ORC4: variants seen among roughly 807,000 people sequenced by gnomAD.
The protein encoded by ORC4 is origin recognition complex subunit 4.
ORC4 carries 55 observed loss-of-function variants against 63.9 expected under a neutral mutation model. That is an observed-to-expected ratio of 0.86 (90% CI 0.69 to 1.08). The LOEUF is 1.08. ORC4 is among the 50% of genes least tolerant of loss of function. ORC4 has a pLI of 0.00. For missense variants in ORC4, 511 were observed against 504.4 expected (o/e 1.01, Z -0.13); for synonymous variants, 150 against 168.5 (o/e 0.89, Z 0.85).
chr2:148,015,123 AAAG>A (rs1448141336), intron 1 of ORC4, among the ~76,000 whole-genome samples: 1 of 151,912 alleles, frequency 6.6e-6, no homozygotes, highest in African/African-American at 2.4e-5. Flanking sequence ...GAAAAAAAAA[AAAG>A]AAGAAAAGAA....
rs563017187 is a variant in ORC4 at position 147,959,242 on chromosome 2, T to C, written c.226-376A>G. Among the ~76,000 whole-genome samples the C allele has an allele frequency of 8.5e-4, 129 of 152,176 alleles. 1 individual carries two copies. Among genetic ancestry groups the C allele is most frequent in the Admixed American group, 1.5e-3 (23 of 15,280 alleles). On this transcript the variant is annotated intron_variant, in intron 4 of 13. Coordinates refer to ENST00000392857, the MANE Select transcript of ORC4 (RefSeq NM_181741.4). ...CTGACAATTACTCTACTAAATATCA[T>C]TGTAATCAGTTAAAAGCCCATTGAA...
intron 3 of ORC4, 131 bp downstream of exon 3, chr2:147,973,317 A>G: frequency 1.4e-6 from 1 of 691,222 alleles, no homozygotes; most frequent in East Asian, 2.7e-5. Flanking sequence ...CTATTCACAA[A>G]GCAAAATTTT....
chr2:147,989,120 C>CTAT (rs1490609053), intron 1 of ORC4, among the ~76,000 whole-genome samples: 1 of 152,134 alleles, frequency 6.6e-6, no homozygotes, highest in Non-Finnish European at 1.5e-5. Flanking sequence ...AACCAAGGAG[C>CTAT]ATAAATTCAA....
upstream of ORC4, chr2:148,021,499 C>A: frequency 1.8e-6 from 1 of 566,536 alleles, no homozygotes. Flanking sequence ...GCTGCTGCTA[C>A]TGCTGCTGCT....
chr2:148,005,868 C>T (rs921268104), intron 1 of ORC4, among the ~76,000 whole-genome samples: 3 of 151,954 alleles, frequency 2.0e-5, no homozygotes, highest in South Asian at 2.1e-4. Context: ...GCCAGCTACT[C>T]GGGAGGCTGA....
At position 147,975,979 on chromosome 2, in the gene ORC4, T is replaced by A. The variant is rs1553456562; in HGVS notation, c.-17-4A>T. The A allele has an allele frequency of 1.6e-5, 23 of 1,405,474 alleles. No individual in the cohort carries two copies. Among genetic ancestry groups the A allele is most frequent in the Non-Finnish European group, 2.2e-5 (22 of 991,246 alleles). The allele number at this position is 1,405,474 out of a possible 1,614,324, so 87.1% of individuals were successfully genotyped here. A position where few individuals can be genotyped will look rare whatever the true frequency, so the allele number is the denominator to read the frequency against. On this transcript the variant is annotated splice_polypyrimidine_tract_variant and splice_region_variant and intron_variant, in intron 1 of 13. Coordinates refer to ENST00000392857, the MANE Select transcript of ORC4 (RefSeq NM_181741.4). The stretch of plus-strand genomic sequence containing the variant: ...CTCATTTCAACAAATTCAAATCCTT[T>A]AAAAAAATTGGCATAAATATTATAA...
At chr2:147,989,225 A>G (rs1691419351) in intron 1 of ORC4, among the ~76,000 whole-genome samples, 1 of 152,156 alleles carries the variant, frequency 6.6e-6, no homozygotes, top group Admixed American at 6.5e-5. Context: ...TTCACCAAGA[A>G]TCTACATTAA....
rs17225444 is a variant in ORC4, at chr2:147,966,696, G to A, written c.225+6043C>T. On this transcript the variant is annotated intron_variant, in intron 4 of 13. Coordinates refer to ENST00000392857, the MANE Select transcript of ORC4 (RefSeq NM_181741.4). ...GGAGAGACCAATAACAAATAATGAGGTAGAATCAGGAATAAAAAGTCTTCC... is the reference window on the plus strand; with the variant it reads ...GGAGAGACCAATAACAAATAATGAGATAGAATCAGGAATAAAAAGTCTTCC... 1.4e-4 allele frequency among the ~76,000 whole-genome samples: 22 copies of A among 152,098 alleles called. No individual in the cohort carries two copies. In the East Asian group the frequency reaches 3.9e-3, roughly 27 times the overall value.
At chr2:148,002,057 T>A (rs561118569) in intron 1 of ORC4, among the ~76,000 whole-genome samples, 13 of 152,292 alleles carry the variant, frequency 8.5e-5, no homozygotes, top group Non-Finnish European at 1.6e-4. Flanking sequence ...AAAGAAGTGC[T>A]AACTATCCTA....
intron 2 of ORC4, among the ~76,000 whole-genome samples, chr2:147,974,322 G>A (rs1690397624): frequency 6.6e-6 from 1 of 152,044 alleles, no homozygotes; most frequent in South Asian, 2.1e-4. Context: ...AACATCTTAT[G>A]GCAGGCCTGT....
chr2:148,005,263 G>A (rs1000226896), intron 1 of ORC4, among the ~76,000 whole-genome samples: 3 of 152,086 alleles, frequency 2.0e-5, no homozygotes, highest in African/African-American at 4.8e-5. Context: ...GCAGGGACAC[G>A]GATGAAGCTG....
chr2:147,941,772 GTA>G (rs555279244), intron 10 of ORC4, among the ~76,000 whole-genome samples: 2 of 151,204 alleles, frequency 1.3e-5, no homozygotes, highest in Non-Finnish European at 3.0e-5. Flanking sequence ...AGATGTGTGT[GTA>G]TATATATATA....
rs765823779 is a variant in ORC4, at chr2:147,958,305, T to G, written c.380A>C (p.Lys127Thr). The change falls in exon 6 of 14, where the codon AAA (lysine) becomes ACA (threonine). Residue 127 changes from lysine to threonine, a missense_variant. Transcript: ENST00000392857. ...QLNLENVVGD[K>T]VFGSFAENLS... ...AACTGAAATGATACTTACAAAAACT[T>G]TATCTCCAACTACATTTTCCAGATT... 2 of 1,603,536 alleles carry G rather than the reference T, an allele frequency of 1.2e-6. No individual in the cohort carries two copies. The highest frequency in any genetic ancestry group is 1.7e-5 in the Admixed American group (1 of 59,934).
intron 1 of ORC4, among the ~76,000 whole-genome samples, chr2:147,976,820 T>C (rs1214808252): frequency 6.6e-6 from 1 of 152,158 alleles, no homozygotes. Context: ...TTTTATATTC[T>C]AAGCATTGTA....
chr2:147,960,580 A>T (rs1250991078), intron 4 of ORC4, among the ~76,000 whole-genome samples: 1 of 151,996 alleles, frequency 6.6e-6, no homozygotes, highest in Non-Finnish European at 1.5e-5. Flanking sequence ...TAATTTTCTT[A>T]GACCTCCCAA....
At chr2:147,957,406 A>G (rs1689325616) in intron 6 of ORC4, among the ~76,000 whole-genome samples, 1 of 151,952 alleles carries the variant, frequency 6.6e-6, no homozygotes, top group South Asian at 2.1e-4. Flanking sequence ...CATGGTCACC[A>G]GTAACCAGAA....
At chr2:147,950,492 C>T (rs1233282967) in intron 8 of ORC4, among the ~76,000 whole-genome samples, 2 of 152,140 alleles carry the variant, frequency 1.3e-5, no homozygotes, top group African/African-American at 4.8e-5. Flanking sequence ...TGAGGCCAGG[C>T]GCAGTGGCTC....
intron 1 of ORC4, among the ~76,000 whole-genome samples, chr2:147,978,923 A>T (rs1243642428): frequency 6.6e-6 from 1 of 152,210 alleles, no homozygotes; most frequent in Non-Finnish European, 1.5e-5. Flanking sequence ...TTCAGGTTTA[A>T]AAACTGTCAA....
intron 11 of ORC4, among the ~76,000 whole-genome samples, 179 bp downstream of exon 11, chr2:147,938,958 ATTT>A (rs558939593): frequency 7.7e-4 from 117 of 151,830 alleles, no homozygotes; most frequent in African/African-American, 2.8e-3. Context: ...AGAGCGTCAA[ATTT>A]TTTTTTCACT....
Sources: allele counts gnomAD v4.1 joint callset (sites outside exome capture counted in the v4.1 genomes callset), GRCh38; gene constraint gnomAD v4.1.1; transcripts MANE v1.5; gene names NCBI Gene and HGNC (gene_info 2026-07-23, HGNC 2026-07-21).